EFCAB11: variants seen among roughly 807,000 people sequenced by gnomAD.
The protein encoded by EFCAB11 is EF-hand calcium binding domain 11, also known as EF-hand calcium-binding domain-containing protein 11.
A neutral mutation model predicts 23.0 loss-of-function variants in EFCAB11; 14 were observed. The ratio of observed to expected loss-of-function variants is 0.61; its 90% CI spans 0.40 to 0.95. The LOEUF is 0.95. Ranked by LOEUF, EFCAB11 falls within the 40% of genes least tolerant of loss-of-function variation. The pLI is 0.00. For missense variants in EFCAB11, 198 were observed against 195.8 expected (o/e 1.01, Z -0.07); for synonymous variants, 65 against 66.6 (o/e 0.98, Z 0.11).
chr14:89,845,647 C>T (rs117470765), intron 5 of EFCAB11, among the ~76,000 whole-genome samples: 210 of 152,240 alleles, frequency 1.4e-3, no homozygotes, highest in Admixed American at 3.1e-3. Flanking sequence ...TTAACTTCTG[C>T]GGGGCTTTGG....
intron 5 of EFCAB11, among the ~76,000 whole-genome samples, chr14:89,823,146 G>A (rs1886580538): frequency 6.6e-6 from 1 of 152,132 alleles, no homozygotes; most frequent in Non-Finnish European, 1.5e-5. Context: ...AGTAAAAGAG[G>A]AGGTCGAAGA....
chr14:89,892,351 A>C, intron 5 of EFCAB11: 1 of 1,613,596 alleles, frequency 6.2e-7, no homozygotes, highest in East Asian at 2.2e-5. Flanking sequence ...ACATCAAGCT[A>C]GAAGAGGGCT....
chr14:89,954,110 G>A, intron 1 of EFCAB11, 109 bp from the exon 2 acceptor site: 2 of 973,172 alleles, frequency 2.1e-6, no homozygotes, highest in Non-Finnish European at 3.0e-6. Context: ...CCCAGCGGTA[G>A]AGTATGAAAA....
intron 5 of EFCAB11, among the ~76,000 whole-genome samples, chr14:89,890,849 A>G (rs2140188081): frequency 6.6e-6 from 1 of 152,318 alleles, no homozygotes; most frequent in South Asian, 2.1e-4. Context: ...AAGATCCAGG[A>G]CTTTGCCAAT....
intron 5 of EFCAB11, among the ~76,000 whole-genome samples, chr14:89,817,464 T>G (rs563512420): frequency 6.6e-6 from 1 of 152,152 alleles, no homozygotes; most frequent in Non-Finnish European, 1.5e-5. Flanking sequence ...TGGATAACAG[T>G]GAGCTATGAT....
chr14:89,819,477 T>C (rs1045654634), intron 5 of EFCAB11, among the ~76,000 whole-genome samples: 2 of 152,022 alleles, frequency 1.3e-5, no homozygotes, highest in Non-Finnish European at 2.9e-5. Flanking sequence ...TGGAGTGCAG[T>C]TGCATGGTCA....
At chr14:89,837,279 GC>G (rs1247752967) in intron 5 of EFCAB11, 15 of 350,548 alleles carry the variant, frequency 4.3e-5, no homozygotes, top group Non-Finnish European at 8.1e-5. Flanking sequence ...CATTACCTGG[GC>G]TCCCTTCCAG....
At chr14:89,881,526 C>A (rs1888602933) in intron 5 of EFCAB11, among the ~76,000 whole-genome samples, 1 of 140,532 alleles carries the variant, frequency 7.1e-6, no homozygotes, top group South Asian at 2.2e-4. Flanking sequence ...CGGCTCACTG[C>A]AAACTCTGCC....
intron 5 of EFCAB11, chr14:89,799,295 T>C (rs192061792): frequency 6.6e-6 from 1 of 152,384 alleles, no homozygotes; most frequent in Admixed American, 6.5e-5. Flanking sequence ...TAATGTCTTC[T>C]GACTTTTCGT....
chr14:89,948,085 C>T (rs1013171863), intron 3 of EFCAB11, among the ~76,000 whole-genome samples: 1 of 151,202 alleles, frequency 6.6e-6, no homozygotes, highest in Non-Finnish European at 1.5e-5. Flanking sequence ...AACCTAGTAT[C>T]ATTTTTTGAA....
chr14:89,889,017 G>A (rs1190471265), intron 5 of EFCAB11, among the ~76,000 whole-genome samples: 1 of 152,054 alleles, frequency 6.6e-6, no homozygotes, highest in Non-Finnish European at 1.5e-5. Context: ...CAGACAAATG[G>A]AAAAAACAAT....
chr14:89,936,143 T>C (rs1365914782), intron 3 of EFCAB11, among the ~76,000 whole-genome samples: 1 of 152,148 alleles, frequency 6.6e-6, no homozygotes, highest in Non-Finnish European at 1.5e-5. Flanking sequence ...TCTTAAAACA[T>C]ATGATATAGT....
chr14:89,882,026 C>G (rs1472562533), intron 5 of EFCAB11, among the ~76,000 whole-genome samples: 1 of 152,176 alleles, frequency 6.6e-6, no homozygotes, highest in Non-Finnish European at 1.5e-5. Context: ...CTGGTTTGCT[C>G]AAGAGCACCT....
intron 5 of EFCAB11, among the ~76,000 whole-genome samples, chr14:89,798,505 G>A (rs746517037): frequency 2.0e-5 from 3 of 152,194 alleles, no homozygotes; most frequent in Admixed American, 6.5e-5. Flanking sequence ...TATTAAATTA[G>A]ATAATTGAGG....
intron 5 of EFCAB11, among the ~76,000 whole-genome samples, chr14:89,871,376 G>C (rs1346008675): frequency 6.6e-6 from 1 of 152,214 alleles, no homozygotes; most frequent in Non-Finnish European, 1.5e-5. Flanking sequence ...AGAGGGTAGA[G>C]CCTTCTGCCA....
At chr14:89,954,049 T>C (rs1239681153) in intron 1 of EFCAB11, 48 bp from the exon 2 acceptor site, 1 of 1,508,876 alleles carries the variant, frequency 6.6e-7, no homozygotes, top group Non-Finnish European at 9.1e-7. Flanking sequence ...AATGGTTTAT[T>C]TTTATTACTA....
intron 5 of EFCAB11, among the ~76,000 whole-genome samples, chr14:89,843,479 T>C (rs1596396664): frequency 6.6e-6 from 1 of 152,310 alleles, no homozygotes; most frequent in South Asian, 2.1e-4. Flanking sequence ...GATACGGCTG[T>C]AGTATATAAA....
At chr14:89,836,916 G>T in intron 5 of EFCAB11, 1 of 416,942 alleles carries the variant, frequency 2.4e-6, no homozygotes, top group Non-Finnish European at 4.8e-6. Context: ...CTACTTGGGA[G>T]GCTGAGGCAG....
At chr14:89,884,851 C>T (rs1888705386) in intron 5 of EFCAB11, among the ~76,000 whole-genome samples, 1 of 152,132 alleles carries the variant, frequency 6.6e-6, no homozygotes, top group Admixed American at 6.5e-5. Context: ...GGGATTAGTG[C>T]TCTTATAAGA....
Sources: gnomAD v4.1 joint callset for allele counts (sites outside exome capture counted in the v4.1 genomes callset) on GRCh38, gnomAD v4.1.1 for gene constraint, MANE v1.5 for transcripts, NCBI Gene and HGNC (gene_info 2026-07-23, HGNC 2026-07-21) for gene names.